Variants in MAP2K5 observed in about 807,000 individuals in gnomAD.
The protein encoded by MAP2K5 is dual specificity mitogen-activated protein kinase kinase 5.
Under a neutral mutation model 83.1 loss-of-function variants are expected in MAP2K5, and 49 were observed. The observed-to-expected ratio is 0.59, with a 90% CI of 0.47 to 0.75. MAP2K5 has a LOEUF of 0.75. Ranked by LOEUF, MAP2K5 falls within the 30% of genes least tolerant of loss-of-function variation. The pLI is 0.00. For missense variants in MAP2K5, 457 were observed against 557.5 expected, an observed-to-expected ratio of 0.82 and a Z score of 1.82; for synonymous variants, 202 against 191.8, an observed-to-expected ratio of 1.05 and a Z score of -0.44.
At chr15:67,576,928 ATT>A (rs1312276789) in intron 3 of MAP2K5, among the ~76,000 whole-genome samples, 1,841 of 136,596 alleles carry the variant, frequency 0.013, 133 homozygotes, top group African/African-American at 0.044. Flanking sequence ...CTATATATAT[ATT>A]TTTTTTTTTT....
In MAP2K5 at chr15:67,690,670, A is replaced by G. The variant is rs138465895; in HGVS notation, c.848-1809A>G. Among the ~76,000 whole-genome samples the G allele has an allele frequency of 0.019, 2,829 of 151,948 alleles. 96 individuals carry two copies. The highest frequency in any genetic ancestry group is 0.064 in the African/African-American group (2,663 of 41,394). ...TCCCTCAGCCTCCCGAGTAGCTGAG[A>G]TTACAGGTGTCCGCCACCACGCCCG... is the stretch of plus-strand genomic sequence containing the variant. On this transcript the variant is annotated intron_variant, in intron 13 of 21. Transcript: ENST00000178640. This position sits in a 1 kb window ranked among gnomAD's most constrained non-coding sequence, Gnocchi z 4.3.
At chr15:67,653,719 T>G (rs1303907272) in intron 11 of MAP2K5, among the ~76,000 whole-genome samples, 2 of 152,114 alleles carry the variant, frequency 1.3e-5, no homozygotes, top group African/African-American at 4.8e-5. Flanking sequence ...TTTTCTGCTT[T>G]CTTTGAGTTT....
At position 67,743,336 on chromosome 15, in the gene MAP2K5, T is replaced by C. The variant is rs2141267580; in HGVS notation, c.1075-4895T>C. ...TTTAGGTCCTGTGAAAATATACTAA[T>C]AGACCCACAGACATGATAAGAACTT... On this transcript the variant is annotated intron_variant, in intron 17 of 21. Coordinates refer to ENST00000178640, the MANE Select transcript of MAP2K5 (RefSeq NM_145160.3). Among the ~76,000 whole-genome samples, 2 of 152,312 alleles carry C rather than the reference T, an allele frequency of 1.3e-5. 1 individual carries two copies. Among genetic ancestry groups the C allele is most frequent in the South Asian group, 4.1e-4 (2 of 4,820 alleles).
chr15:67,567,955 C>A (rs2084874338), intron 3 of MAP2K5, among the ~76,000 whole-genome samples: 1 of 152,084 alleles, frequency 6.6e-6, no homozygotes, highest in African/African-American at 2.4e-5. Flanking sequence ...GGTGACCTTT[C>A]ATTAAGAAAT....
intron 1 of MAP2K5, among the ~76,000 whole-genome samples, chr15:67,545,714 G>C (rs2084375780): frequency 6.6e-6 from 1 of 152,118 alleles, no homozygotes; most frequent in Non-Finnish European, 1.5e-5. Flanking sequence ...TGTACTACTG[G>C]GGCAAGTATC....
intron 8 of MAP2K5, among the ~76,000 whole-genome samples, chr15:67,610,186 T>C (rs2085886192): frequency 6.6e-6 from 1 of 152,168 alleles, no homozygotes; most frequent in South Asian, 2.1e-4. Context: ...GATATAAAAT[T>C]AGTGTATAAA....
At chr15:67,546,788 G>A (rs2140939294) in intron 1 of MAP2K5, among the ~76,000 whole-genome samples, 1 of 152,266 alleles carries the variant, frequency 6.6e-6, no homozygotes, top group East Asian at 1.9e-4. Context: ...TTCTGGGCCA[G>A]GAGTGGTGGC....
chr15:67,805,122 TC>T (rs1566970409), intron 21 of MAP2K5, among the ~76,000 whole-genome samples: 1 of 152,186 alleles, frequency 6.6e-6, no homozygotes, highest in Non-Finnish European at 1.5e-5. Flanking sequence ...TCTCAGCGGG[TC>T]CCTGCCCGGG....
rs144071627 is a variant in MAP2K5, at chr15:67,774,214, G to C, written c.1242+1462G>C. Among the ~76,000 whole-genome samples, 119 of 150,980 alleles carry C rather than the reference G, an allele frequency of 7.9e-4. 4 individuals are homozygous for C. The East Asian group carries it at 0.019, about 24-fold the overall frequency. On this transcript the variant is annotated intron_variant, in intron 21 of 21. Transcript: ENST00000178640. This position sits in a 1 kb window ranked among gnomAD's most constrained non-coding sequence, Gnocchi z 4.9. ...GTGTGTGTGTGTGTGAGAGAACATA[G>C]GTATTTAGATATATCTCTTTACAAC...
intron 9 of MAP2K5, among the ~76,000 whole-genome samples, chr15:67,631,314 C>A (rs1363872347): frequency 2.0e-5 from 3 of 152,142 alleles, no homozygotes; most frequent in African/African-American, 7.2e-5. Flanking sequence ...GAAATATATC[C>A]ATTTGCTACT....
At position 67,665,040 on chromosome 15, in the gene MAP2K5, G is replaced by T. The variant is rs1255951788; in HGVS notation, c.847+395G>T. Among the ~76,000 whole-genome samples, 1 of 152,156 alleles carries T rather than the reference G, an allele frequency of 6.6e-6. No individual in the cohort carries two copies. Among genetic ancestry groups the T allele is most frequent in the Non-Finnish European group, 1.5e-5 (1 of 68,020 alleles). On this transcript the variant is annotated intron_variant, in intron 13 of 21. Coordinates refer to ENST00000178640, the MANE Select transcript of MAP2K5 (RefSeq NM_145160.3). This position sits in a 1 kb window ranked among gnomAD's most constrained non-coding sequence, Gnocchi z 4.2. ...AAGAGATTGCTTCACATACTGGAAA[G>T]AAAAACTTTATTTTTAATTTTTTTA...
rs919050593 is a variant in MAP2K5, at chr15:67,760,383, T to TA, written c.1135-9211dup. Among the ~76,000 whole-genome samples the TA allele has an allele frequency of 8.5e-5, 13 of 152,126 alleles. No homozygotes were observed. The East Asian group carries it at 2.3e-3, about 27-fold the overall frequency. Reference sequence around the variant, plus strand: ...GAAGGATGTACAAAGTCACTTGAAGTAAAAAAAAGTTTTTTTAAACACACA... The same window carrying TA: ...GAAGGATGTACAAAGTCACTTGAAGTAAAAAAAAAGTTTTTTTAAACACACA... On this transcript the variant is annotated intron_variant, in intron 19 of 21. Coordinates refer to ENST00000178640, the MANE Select transcript of MAP2K5 (RefSeq NM_145160.3). This position sits in a 1 kb window ranked among gnomAD's most constrained non-coding sequence, Gnocchi z 4.1.
At position 67,781,581 on chromosome 15, in the gene MAP2K5, T is replaced by C. The variant is rs544494075; in HGVS notation, c.1242+8829T>C. On this transcript the variant is annotated intron_variant, in intron 21 of 21. Coordinates refer to ENST00000178640, the MANE Select transcript of MAP2K5 (RefSeq NM_145160.3). This position sits in a 1 kb window ranked among gnomAD's most constrained non-coding sequence, Gnocchi z 4.0. ...CCTTGGTCTACCGAGAGACATTTGC[T>C]GGAGTGTGGACTAGTTTCTTTCCAG... Among the ~76,000 whole-genome samples, 1 of 152,308 alleles carries C rather than the reference T, an allele frequency of 6.6e-6. No individual in the cohort carries two copies. The highest frequency in any genetic ancestry group is 1.9e-4 in the East Asian group (1 of 5,192).
intron 11 of MAP2K5, among the ~76,000 whole-genome samples, chr15:67,650,924 C>T (rs2086936862): frequency 6.6e-6 from 1 of 152,010 alleles, no homozygotes; most frequent in Admixed American, 6.6e-5. Flanking sequence ...TTTTTTAAAA[C>T]ATTTTAGGGG....
intron 1 of MAP2K5, among the ~76,000 whole-genome samples, chr15:67,547,653 C>T (rs1425696512): frequency 6.6e-6 from 1 of 152,018 alleles, no homozygotes; most frequent in Non-Finnish European, 1.5e-5. Flanking sequence ...GACAGGGTTT[C>T]ACCATGTTGG....
chr15:67,586,512 A>G (rs549764522), intron 5 of MAP2K5, among the ~76,000 whole-genome samples: 168 of 152,306 alleles, frequency 1.1e-3, no homozygotes, highest in Non-Finnish European at 1.8e-3. Context: ...CTTGAGGTTC[A>G]CTACTAACCC....
intron 15 of MAP2K5, among the ~76,000 whole-genome samples, chr15:67,695,820 T>C (rs2088238113): frequency 6.6e-6 from 1 of 152,234 alleles, no homozygotes; most frequent in South Asian, 2.1e-4. Flanking sequence ...AATGTGAGGA[T>C]TAAAATTATG....
intron 21 of MAP2K5, among the ~76,000 whole-genome samples, chr15:67,789,750 G>A (rs952025828): frequency 6.0e-5 from 9 of 150,762 alleles, no homozygotes; most frequent in Non-Finnish European, 1.3e-4. Context: ...TTTAATTTAT[G>A]TTTATTTTAT....
intron 13 of MAP2K5, among the ~76,000 whole-genome samples, chr15:67,669,542 C>T (rs2087476207): frequency 6.6e-6 from 1 of 151,910 alleles, no homozygotes. Flanking sequence ...GTGTGGGAGA[C>T]AAGAGTAGAA....
Sources: gnomAD v4.1 joint callset for allele counts (sites outside exome capture counted in the v4.1 genomes callset) on GRCh38, gnomAD v4.1.1 for gene constraint, Gnocchi (gnomAD v3.1) non-coding constraint, MANE v1.5 for transcripts, NCBI Gene and HGNC (gene_info 2026-07-23, HGNC 2026-07-21) for gene names.